SUGCT: variants seen among roughly 807,000 people sequenced by gnomAD.
SUGCT encodes succinyl-CoA:glutarate CoA-transferase.
Under a neutral mutation model 55.0 loss-of-function variants are expected in SUGCT, and 41 were observed. That is an observed-to-expected ratio of 0.74 (90% CI 0.58 to 0.97). The LOEUF is 0.97. SUGCT is among the 50% of genes least tolerant of loss of function. The pLI is 0.00. For missense variants in SUGCT, 568 were observed against 547.8 expected (o/e 1.04, Z -0.37); for synonymous variants, 187 against 200.4 (o/e 0.93, Z 0.56).
intron 9 of SUGCT, among the ~76,000 whole-genome samples, chr7:40,363,613 T>C (rs1798263615): frequency 6.6e-6 from 1 of 152,228 alleles, no homozygotes; most frequent in South Asian, 2.1e-4. Context: ...TTCCATGTAG[T>C]TGAGCGATTT....
At chr7:40,501,936 A>C (rs1792302196) in intron 12 of SUGCT, among the ~76,000 whole-genome samples, 3 of 152,068 alleles carry the variant, frequency 2.0e-5, no homozygotes, top group African/African-American at 4.8e-5. Context: ...AAAATGTCTT[A>C]AGCATATTTG....
the SUGCT span, among the ~76,000 whole-genome samples, chr7:40,955,826 G>T: frequency 6.6e-6 from 1 of 152,142 alleles, no homozygotes; most frequent in Admixed American, 6.5e-5. Context: ...TTTATTGAGA[G>T]TTTTTAGCAT....
chr7:40,917,378 T>C, the SUGCT span, among the ~76,000 whole-genome samples: 2 of 152,230 alleles, frequency 1.3e-5, no homozygotes, highest in African/African-American at 4.8e-5. Flanking sequence ...GTTACTCTTA[T>C]AAAAATATTT....
rs118063768 is a variant in SUGCT, at chr7:40,749,901, T to G, written c.1153+404T>G. On this transcript the variant is annotated intron_variant, in intron 13 of 13. Coordinates refer to ENST00000335693, the MANE Select transcript of SUGCT (RefSeq NM_001193313.2). ...GTAACTGGAGTCCGAGGAAGGCTACTGACTGCTCAGGCTCGGGCATTTTCT... is the reference window on the plus strand; with the variant it reads ...GTAACTGGAGTCCGAGGAAGGCTACGGACTGCTCAGGCTCGGGCATTTTCT... Among the ~76,000 whole-genome samples, 62 of 152,336 alleles carry G rather than the reference T, an allele frequency of 4.1e-4. 1 individual carries two copies. The East Asian group carries it at 0.012, about 29-fold the overall frequency.
At chr7:40,599,093 C>G (rs1798165701) in intron 12 of SUGCT, among the ~76,000 whole-genome samples, 1 of 152,112 alleles carries the variant, frequency 6.6e-6, no homozygotes, top group African/African-American at 2.4e-5. Flanking sequence ...CTGCCAACTT[C>G]CGATGCCACG....
intron 5 of SUGCT, among the ~76,000 whole-genome samples, chr7:40,194,386 G>A (rs760142221): frequency 6.6e-6 from 1 of 151,864 alleles, no homozygotes; most frequent in Non-Finnish European, 1.5e-5. Context: ...TGAGCCTCCC[G>A]AGCAGCTGGG....
At chr7:40,787,676 A>C (rs910963145) in intron 13 of SUGCT, among the ~76,000 whole-genome samples, 1 of 150,418 alleles carries the variant, frequency 6.6e-6, no homozygotes. Context: ...AAAAAAAAAA[A>C]AAAAAAAAGC....
the SUGCT span, among the ~76,000 whole-genome samples, chr7:40,874,809 T>G: frequency 1.3e-5 from 2 of 152,194 alleles, no homozygotes; most frequent in Non-Finnish European, 2.9e-5. Flanking sequence ...GGCTTCAAGA[T>G]CTATCCTTTT....
the SUGCT span, among the ~76,000 whole-genome samples, chr7:40,980,201 T>C: frequency 2.0e-5 from 3 of 152,090 alleles, no homozygotes; most frequent in African/African-American, 7.2e-5. Flanking sequence ...TGGTGTTTCA[T>C]CCTCACTAAT....
At chr7:40,992,505 G>A in the SUGCT span, among the ~76,000 whole-genome samples, 7 of 151,362 alleles carry the variant, frequency 4.6e-5, no homozygotes, top group Admixed American at 1.3e-4. Flanking sequence ...TGTAGGTCTC[G>A]GCCTTATTTT....
At chr7:40,735,869 C>CAGT (rs1787128612) in intron 12 of SUGCT, among the ~76,000 whole-genome samples, 1 of 152,092 alleles carries the variant, frequency 6.6e-6, no homozygotes, top group East Asian at 1.9e-4. Context: ...ATATATAGGA[C>CAGT]AGTAATTAAT....
At chr7:40,983,792 A>G in the SUGCT span, among the ~76,000 whole-genome samples, 1 of 152,242 alleles carries the variant, frequency 6.6e-6, no homozygotes. Context: ...CATGTTAGCA[A>G]TGGAGAAACA....
chr7:40,325,898 C>CTTTTTTTTTTTTTTTTTTTTTTTT (rs71560191), intron 9 of SUGCT, among the ~76,000 whole-genome samples: 1 of 122,178 alleles, frequency 8.2e-6, no homozygotes, highest in Non-Finnish European at 1.7e-5. Flanking sequence ...GGATGTGCGT[C>CTTTTTTTTTTTTTTTTTTTTTTTT]TTTTTTTTTT....
At chr7:40,166,218 G>A (rs1310382230) in intron 1 of SUGCT, among the ~76,000 whole-genome samples, 1 of 152,168 alleles carries the variant, frequency 6.6e-6, no homozygotes, top group Non-Finnish European at 1.5e-5. Context: ...TTTAAAACTT[G>A]CAAACTCCAT....
Position 40,344,143 on chromosome 7 carries a change from A to T in SUGCT, c.816+27288A>T, listed in dbSNP as rs532670789. Among the ~76,000 whole-genome samples the T allele has an allele frequency of 1.3e-4, 20 of 152,294 alleles. No homozygotes were observed. In the East Asian group the frequency reaches 3.1e-3, roughly 23 times the overall value. On this transcript the variant is annotated intron_variant, in intron 9 of 13. Transcript: ENST00000335693. ...TTTCTTCCTTGCTGAAACTTGTGAA[A>T]TTATGGATTTAAATTGGCAGCTTAG...
At chr7:40,162,477 AG>A (rs993464846) in intron 1 of SUGCT, among the ~76,000 whole-genome samples, 1 of 151,886 alleles carries the variant, frequency 6.6e-6, no homozygotes, top group Non-Finnish European at 1.5e-5. Context: ...CCCTTAGGCA[AG>A]TATTTTCCTT....
At chr7:40,221,411 C>T (rs1410569985) in intron 6 of SUGCT, among the ~76,000 whole-genome samples, 2 of 139,808 alleles carry the variant, frequency 1.4e-5, no homozygotes, top group Admixed American at 7.1e-5. Flanking sequence ...GAGACCCTGT[C>T]TCAAAAAAAA....
intron 12 of SUGCT, among the ~76,000 whole-genome samples, chr7:40,713,824 C>A (rs757409902): frequency 2.6e-5 from 4 of 152,168 alleles, no homozygotes; most frequent in Non-Finnish European, 4.4e-5. Flanking sequence ...CTGTCCCTCT[C>A]CCAATGCTCC....
At chr7:40,982,067 A>T in the SUGCT span, among the ~76,000 whole-genome samples, 1 of 152,204 alleles carries the variant, frequency 6.6e-6, no homozygotes, top group African/African-American at 2.4e-5. Context: ...TAGTTCCTTC[A>T]TCTATAAAGC....
Sources: gnomAD v4.1 joint callset for allele counts (sites outside exome capture counted in the v4.1 genomes callset) on GRCh38, gnomAD v4.1.1 for gene constraint, MANE v1.5 for transcripts, NCBI Gene and HGNC (gene_info 2026-07-23, HGNC 2026-07-21) for gene names.